Variants in MYBL2 observed in about 807,000 individuals in gnomAD.
The protein encoded by MYBL2 is myb-related protein B.
A neutral mutation model predicts 79.9 loss-of-function variants in MYBL2; 28 were observed. The ratio of observed to expected loss-of-function variants is 0.35; its 90% CI spans 0.26 to 0.48. The LOEUF (loss-of-function observed/expected upper bound fraction) is 0.48. Ranked by LOEUF, MYBL2 falls within the 20% of genes least tolerant of loss-of-function variation. The pLI is 0.99. For synonymous variants in MYBL2, 378 were observed against 361.2 expected (o/e 1.05, Z -0.53); for missense variants, 735 against 893.9 (o/e 0.82, Z 2.27).
chr20:43,711,396 C>A, intron 10 of MYBL2, 92 bp from the exon 11 acceptor site: 1 of 909,180 alleles, frequency 1.1e-6, no homozygotes, highest in Non-Finnish European at 1.7e-6. Flanking sequence ...TTACCCAGGA[C>A]AGCCCAGTTG....
At chr20:43,674,585 G>A (rs1179411269) in intron 2 of MYBL2, among the ~76,000 whole-genome samples, 1 of 151,636 alleles carries the variant, frequency 6.6e-6, no homozygotes, top group Non-Finnish European at 1.5e-5. Flanking sequence ...AGTAGATACG[G>A]GGGCTTCACC....
rs748485830 is a variant in MYBL2 at position 43,686,968 on chromosome 20, G to A, written c.396G>A (p.Glu132=). The change falls in exon 5 of 14, where the codon GAG becomes GAA. Residue 132 remains glutamate (E), a synonymous_variant. Coordinates refer to ENST00000217026, the MANE Select transcript of MYBL2 (RefSeq NM_002466.4). The part of the protein sequence containing the change: ...RERWHNHLNP[E]VKKSCWTEEE... ...GCTGGCACAACCACCTCAACCCTGA[G>A]GTGAAGAAGTCTTGCTGGACCGAGG... The A allele has an allele frequency of 1.9e-6, 3 of 1,614,232 alleles. No individual in the cohort carries two copies. The South Asian group carries it at 3.3e-5, about 18-fold the overall frequency.
intron 5 of MYBL2, among the ~76,000 whole-genome samples, chr20:43,687,931 G>T (rs1323015838): frequency 6.7e-6 from 1 of 148,324 alleles, no homozygotes; most frequent in East Asian, 2.0e-4. Context: ...AGAATTGCTT[G>T]AACCCAGGAG....
At chr20:43,697,781 G>T (rs915173639) in intron 6 of MYBL2, among the ~76,000 whole-genome samples, 7 of 151,858 alleles carry the variant, frequency 4.6e-5, no homozygotes, top group African/African-American at 9.7e-5. Context: ...CGGTCATGGT[G>T]GCGGGCACCT....
chr20:43,676,008 G>A (rs994633461), intron 2 of MYBL2, among the ~76,000 whole-genome samples: 7 of 150,860 alleles, frequency 4.6e-5, no homozygotes, highest in African/African-American at 1.7e-4. Flanking sequence ...GGGTTCAAGC[G>A]ATTCTCCTAC....
rs866125082 is a variant in MYBL2, at chr20:43,692,717, C to G, written c.663+398C>G. Among the ~76,000 whole-genome samples, 7 of 152,152 alleles carry G rather than the reference C, an allele frequency of 4.6e-5. No individual in the cohort carries two copies. The South Asian group carries it at 6.2e-4, about 14-fold the overall frequency. On this transcript the variant is annotated intron_variant, in intron 6 of 13. Transcript: ENST00000217026. ...GAGAGGCTGAAGCGGGCGGATTGCT[C>G]AAGCCCAGGAGTTGGAGGCCAGTTC...
chr20:43,692,391 G>C, intron 6 of MYBL2, 72 bp downstream of exon 6: 1 of 1,572,028 alleles, frequency 6.4e-7, no homozygotes, highest in Non-Finnish European at 8.7e-7. Context: ...TGAACACCTT[G>C]TCCACAGCTA....
intron 11 of MYBL2, among the ~76,000 whole-genome samples, 192 bp from the exon 12 acceptor site, chr20:43,712,810 T>C (rs1185733467): frequency 6.6e-6 from 1 of 152,116 alleles, no homozygotes; most frequent in Admixed American, 6.5e-5. Flanking sequence ...CAGAGTCTAA[T>C]GGGGCCATGG....
In MYBL2 at chr20:43,712,998, C is replaced by T; in HGVS notation, c.1720-4C>T. On this transcript the variant is annotated splice_region_variant and splice_polypyrimidine_tract_variant and intron_variant, in intron 11 of 13. Transcript: ENST00000217026. ...CTAACCCCCTTCTATCTGCCAACCC[C>T]TAGCTGCGGCGGAGCCCCATCAAGA... is the stretch of plus-strand genomic sequence containing the variant. 1 of 1,607,068 alleles carries T rather than the reference C, an allele frequency of 6.2e-7. No homozygotes were observed. Among genetic ancestry groups the T allele is most frequent in the Non-Finnish European group, 8.5e-7 (1 of 1,176,072 alleles).
In MYBL2 at chr20:43,706,719, G is replaced by GTTTTTTTTTT. The variant is rs71193702; in HGVS notation, c.1505+1366_1505+1375dup. Reference sequence around the variant, plus strand: ...CTGTCTGTACACAAAAAAAAAAAAAGTTTTTTTTTTTTTTGAGATGGAGTC... The same window carrying GTTTTTTTTTT: ...CTGTCTGTACACAAAAAAAAAAAAAGTTTTTTTTTTTTTTTTTTTTTTTTGAGATGGAGTC... On this transcript the variant is annotated intron_variant, in intron 9 of 13. Transcript: ENST00000217026. 1.5e-3 allele frequency among the ~76,000 whole-genome samples: 108 copies of GTTTTTTTTTT among 70,770 alleles called. 18 individuals carry two copies. The highest frequency in any genetic ancestry group is 4.1e-3 in the African/African-American group (68 of 16,764). The allele number at this position is 70,770 out of a possible 152,430, so 46.4% of individuals were successfully genotyped here.
chr20:43,695,672 G>A (rs1408393520), intron 6 of MYBL2, among the ~76,000 whole-genome samples: 2 of 123,492 alleles, frequency 1.6e-5, no homozygotes, highest in Non-Finnish European at 3.4e-5. Context: ...GGCAACATAG[G>A]GAGACTGTCT....
chr20:43,684,658 G>A (rs995247972), intron 4 of MYBL2, among the ~76,000 whole-genome samples: 1 of 151,142 alleles, frequency 6.6e-6, no homozygotes, highest in Non-Finnish European at 1.5e-5. Flanking sequence ...TTACAGTCAT[G>A]AGCCATGGCT....
chr20:43,708,763 C>T (rs1987842871), intron 9 of MYBL2, among the ~76,000 whole-genome samples: 2 of 152,162 alleles, frequency 1.3e-5, no homozygotes, highest in Non-Finnish European at 2.9e-5. Flanking sequence ...TTGTTGATGC[C>T]ACGAATTAGA....
At chr20:43,688,820 G>A (rs978688469) in intron 5 of MYBL2, among the ~76,000 whole-genome samples, 4 of 151,448 alleles carry the variant, frequency 2.6e-5, no homozygotes, top group African/African-American at 9.7e-5. Flanking sequence ...ACCGAATTTC[G>A]CTCTTATCAC....
Position 43,692,461 on chromosome 20 carries a change from A to G in MYBL2, c.663+142A>G, listed in dbSNP as rs1056299030. ...CTCTGTGCTTCTGGGGCCTTGTGAGACTTCTGCACATAACTGGCACTTGTC... is the reference window on the plus strand; with the variant it reads ...CTCTGTGCTTCTGGGGCCTTGTGAGGCTTCTGCACATAACTGGCACTTGTC... On this transcript the variant is annotated intron_variant, in intron 6 of 13. Coordinates refer to ENST00000217026, the MANE Select transcript of MYBL2 (RefSeq NM_002466.4). The G allele has an allele frequency of 1.8e-5, 18 of 978,378 alleles. No individual in the cohort carries two copies. In the South Asian group the frequency reaches 3.0e-4, roughly 16 times the overall value. 60.6% of individuals were successfully genotyped at this position (978,378 alleles called of 1,614,324 possible).
intron 2 of MYBL2, among the ~76,000 whole-genome samples, chr20:43,681,095 T>G (rs1038074393): frequency 6.6e-6 from 1 of 152,212 alleles, no homozygotes; most frequent in Non-Finnish European, 1.5e-5. Context: ...ACACTGAGAT[T>G]CATGTTATCG....
At chr20:43,702,171 T>C (rs1444242627) in intron 7 of MYBL2, among the ~76,000 whole-genome samples, 1 of 152,062 alleles carries the variant, frequency 6.6e-6, no homozygotes, top group African/African-American at 2.4e-5. Flanking sequence ...TGGTGGTACA[T>C]GTCTGTAGTC....
chr20:43,706,260 C>T (rs989265061), intron 9 of MYBL2, among the ~76,000 whole-genome samples: 6 of 152,182 alleles, frequency 3.9e-5, no homozygotes, highest in African/African-American at 9.7e-5. Flanking sequence ...CGAAAGTGCC[C>T]ATCCCTCTAT....
At chr20:43,672,637 G>A (rs1315731637) in intron 1 of MYBL2, among the ~76,000 whole-genome samples, 1 of 152,174 alleles carries the variant, frequency 6.6e-6, no homozygotes, top group Non-Finnish European at 1.5e-5. Context: ...AGGTACTTGG[G>A]AGGCTGAGGT....
Sources: allele counts gnomAD v4.1 joint callset (sites outside exome capture counted in the v4.1 genomes callset), GRCh38; gene constraint gnomAD v4.1.1; transcripts MANE v1.5; gene names NCBI Gene and HGNC (gene_info 2026-07-23, HGNC 2026-07-21).